Variants in CLCA2 observed in about 807,000 individuals in gnomAD.
CLCA2 encodes the protein chloride channel accessory 2.
CLCA2 carries 85 observed loss-of-function variants against 82.9 expected under a neutral mutation model. The observed-to-expected ratio is 1.03, with a 90% CI of 0.86 to 1.23. CLCA2 has a LOEUF of 1.23. Ranked by LOEUF, CLCA2 falls within the 50% of genes most tolerant of loss-of-function variation. The pLI is 0.00. For missense variants in CLCA2, 1,089 were observed against 1,124.8 expected (o/e 0.97, Z 0.45); for synonymous variants, 421 against 391.7 (o/e 1.07, Z -0.88).
rs570640267 is a variant in CLCA2 at position 86,439,088 on chromosome 1, G to T, written c.1185G>T (p.Gly395=). 3.0e-4 allele frequency: 482 copies of T among 1,613,962 alleles called. 4 individuals are homozygous for T. The Admixed American group carries it at 5.3e-3, about 18-fold the overall frequency. ...SAKTDISICS[G]LKKGFEVVEK... ...AAACAGACATCAGCATTTGTTCAGG[G>T]CTTAAGAAAGGATTTGAGGTACAGT... The change falls in exon 7 of 14, where the codon GGG becomes GGT. Residue 395 remains glycine, a synonymous_variant. Transcript: ENST00000370565.
chr1:86,434,977 T>C (rs746569780), intron 6 of CLCA2, among the ~76,000 whole-genome samples: 56 of 152,168 alleles, frequency 3.7e-4, no homozygotes, highest in Non-Finnish European at 6.3e-4. Context: ...TCACCCAGGC[T>C]GGAGTGCAGT....
chr1:86,441,739 G>A (rs1662740724), intron 9 of CLCA2, among the ~76,000 whole-genome samples, 196 bp downstream of exon 9: 1 of 152,180 alleles, frequency 6.6e-6, no homozygotes, highest in Non-Finnish European at 1.5e-5. Context: ...TACCACAATT[G>A]CCACCTCAGC....
chr1:86,440,280 G>T lies in CLCA2; in HGVS notation c.1336G>T (p.Gly446Cys), dbSNP rs755747239. 1.2e-6 allele frequency: 2 copies of T among 1,613,820 alleles called. No individual in the cohort carries two copies. The highest frequency in any genetic ancestry group is 2.7e-5 in the African/African-American group (2 of 74,860). Reference protein sequence around the residue: ...SGSTIHSIALGSSAAPNLEEL... With the variant: ...SGSTIHSIALCSSAAPNLEEL... ...TTCAACAATTCACTCCATTGCCCTG[G>T]GTTCATCTGCAGCCCCAAATCTGGA... is the stretch of plus-strand genomic sequence containing the variant. Residue 446 changes from glycine (G) to cysteine (C), a missense_variant, in exon 8 of 14, where the codon GGT becomes TGT. Gly to Cys is a radical substitution (Grantham distance 159, BLOSUM62 -3). Transcript: ENST00000370565.
chr1:86,434,437 A>G (rs1194357280), intron 5 of CLCA2, 81 bp from the exon 6 acceptor site: 1 of 1,142,760 alleles, frequency 8.8e-7, no homozygotes. Flanking sequence ...CTTTTCTTTT[A>G]CCTATAGTTC....
Position 86,455,506 on chromosome 1 carries a change from G to A in CLCA2, c.2811G>A (p.Glu937=), listed in dbSNP as rs779967658. 1.3e-6 allele frequency: 2 copies of A among 1,482,600 alleles called. No individual in the cohort carries two copies. The highest frequency in any genetic ancestry group is 1.8e-6 in the Non-Finnish European group (2 of 1,117,498). The allele number at this position is 1,482,600 out of a possible 1,614,324, so 91.8% of individuals were successfully genotyped here. ...GGAAAAAGAGAGCAGACAAGAAAGA[G>A]AATGGAACAAAATTATTATAAATAA... The part of the protein sequence containing the change: ...LSRKKRADKK[E]NGTKLL The change falls in exon 14 of 14, where the codon GAG becomes GAA. Residue 937 remains glutamate, a synonymous_variant. Transcript: ENST00000370565.
chr1:86,447,467 T>G (rs1219538369), intron 10 of CLCA2, 41 bp from the exon 11 acceptor site: 12 of 1,579,864 alleles, frequency 7.6e-6, no homozygotes, highest in Non-Finnish European at 1.0e-5. Context: ...AGGGTTGATT[T>G]TTTTTTCACA....
intron 6 of CLCA2, 96 bp downstream of exon 6, chr1:86,434,841 A>T: frequency 2.0e-6 from 2 of 998,914 alleles, no homozygotes; most frequent in Middle Eastern, 2.3e-4. Flanking sequence ...GTACATGTGC[A>T]GGACGTTCAA....
intron 2 of CLCA2, 69 bp from the exon 3 acceptor site, chr1:86,428,349 T>G: frequency 7.0e-7 from 1 of 1,429,472 alleles, no homozygotes; most frequent in Non-Finnish European, 9.4e-7. Flanking sequence ...AGTGCTTTAA[T>G]GAATGTATAC....
At chr1:86,432,566 T>A in intron 5 of CLCA2, 38 bp downstream of exon 5, 1 of 1,587,870 alleles carries the variant, frequency 6.3e-7, no homozygotes, top group Non-Finnish European at 8.6e-7. Flanking sequence ...CTTGCAGGAT[T>A]CCTTCTCTTC....
Position 86,443,789 on chromosome 1 carries a change from T to C in CLCA2, c.1491T>C (p.Leu497=). The change falls in exon 10 of 14, where the codon CTT becomes CTC. Residue 497 remains leucine (L), a splice_region_variant and synonymous_variant. Coordinates refer to ENST00000370565, the MANE Select transcript of CLCA2 (RefSeq NM_006536.7). ...CATATATATCTTCTCTTTAACAGCT[T>C]GAAAGTACAGGTGAAAATGTCAAAC... ...TGDIFQQHIQ[L]ESTGENVKPH... The C allele has an allele frequency of 6.2e-7, 1 of 1,612,474 alleles. No individual in the cohort carries two copies. Among genetic ancestry groups the C allele is most frequent in the Non-Finnish European group, 8.5e-7 (1 of 1,178,760 alleles).
intron 9 of CLCA2, among the ~76,000 whole-genome samples, chr1:86,443,150 C>G (rs1662772818): frequency 6.6e-6 from 1 of 152,072 alleles, no homozygotes; most frequent in African/African-American, 2.4e-5. Context: ...CCTCAGTCTC[C>G]CGAGCACCTG....
chr1:86,451,722 A>G (rs1180162059), intron 12 of CLCA2, among the ~76,000 whole-genome samples: 2 of 152,052 alleles, frequency 1.3e-5, no homozygotes, highest in African/African-American at 2.4e-5. Context: ...CAGCTCCTCC[A>G]TTTACTAGCT....
chr1:86,428,740 A>C (rs1025733289), intron 3 of CLCA2, among the ~76,000 whole-genome samples, 172 bp downstream of exon 3: 3 of 152,232 alleles, frequency 2.0e-5, no homozygotes, highest in Non-Finnish European at 4.4e-5. Context: ...GTGAACTCGA[A>C]AGAGTTTAGC....
At chr1:86,438,740 A>G in intron 6 of CLCA2, 136 bp from the exon 7 acceptor site, 1 of 688,004 alleles carries the variant, frequency 1.5e-6, no homozygotes, top group Non-Finnish European at 2.4e-6. Flanking sequence ...ATATTATGTT[A>G]CTCTTTAAAG....
intron 2 of CLCA2, among the ~76,000 whole-genome samples, chr1:86,425,907 T>C (rs1490089856): frequency 6.6e-6 from 1 of 152,164 alleles, no homozygotes; most frequent in Admixed American, 6.5e-5. Flanking sequence ...ATGACTGCCA[T>C]CTTATGCCAT....
chr1:86,432,867 C>T (rs934115823), intron 5 of CLCA2, among the ~76,000 whole-genome samples: 3 of 152,128 alleles, frequency 2.0e-5, no homozygotes, highest in Non-Finnish European at 4.4e-5. Flanking sequence ...ATAATTCTCT[C>T]GTTTGAAGTA....
intron 6 of CLCA2, among the ~76,000 whole-genome samples, chr1:86,437,123 C>T (rs1018971487): frequency 6.6e-6 from 1 of 152,162 alleles, no homozygotes; most frequent in African/African-American, 2.4e-5. Flanking sequence ...AGAGTATCAT[C>T]TGAAATATGT....
chr1:86,430,189 G>T (rs780208050), intron 3 of CLCA2, among the ~76,000 whole-genome samples: 5 of 152,276 alleles, frequency 3.3e-5, no homozygotes, highest in Admixed American at 1.3e-4. Flanking sequence ...TGAAGGGAAT[G>T]TAAGATTTTG....
chr1:86,435,932 TAAAAAA>T (rs34457421), intron 6 of CLCA2, among the ~76,000 whole-genome samples: 1 of 128,056 alleles, frequency 7.8e-6, no homozygotes, highest in African/African-American at 2.8e-5. Context: ...TTTAAATGGT[TAAAAAA>T]AAAAAAGAGG....
Sources: gnomAD v4.1 joint callset for allele counts (sites outside exome capture counted in the v4.1 genomes callset) on GRCh38, gnomAD v4.1.1 for gene constraint, MANE v1.5 for transcripts, NCBI Gene and HGNC (gene_info 2026-07-23, HGNC 2026-07-21) for gene names.